GTF3C1: variants seen among roughly 807,000 people sequenced by gnomAD.
GTF3C1 encodes the protein general transcription factor IIIC subunit 1, also known as general transcription factor 3C polypeptide 1.
Under a neutral mutation model 226.7 loss-of-function variants are expected in GTF3C1, and 57 were observed. The observed-to-expected ratio is 0.25, with a 90% CI of 0.20 to 0.31. The LOEUF (loss-of-function observed/expected upper bound fraction) is 0.31. Among genes scored for constraint, GTF3C1 ranks in the 10% least tolerant of loss-of-function variants. The pLI is 1.00. For synonymous variants in GTF3C1, 1,090 were observed against 1,084.8 expected, an observed-to-expected ratio of 1.00 and a Z score of -0.09; for missense variants, 2,217 against 2,776.1, an observed-to-expected ratio of 0.80 and a Z score of 4.53.
chr16:27,495,129 G>C, intron 15 of GTF3C1, 82 bp downstream of exon 15: 2 of 1,093,188 alleles, frequency 1.8e-6, no homozygotes, highest in South Asian at 2.8e-5. Flanking sequence ...TTTATATAAG[G>C]AAAAGGAACT....
At chr16:27,486,296 A>G in intron 23 of GTF3C1, 142 bp from the exon 24 acceptor site, 1 of 535,794 alleles carries the variant, frequency 1.9e-6, no homozygotes, top group Non-Finnish European at 3.3e-6. Context: ...ATCTAAAGTC[A>G]CATAAACTAA....
chr16:27,500,749 GA>G (rs2088393118), intron 12 of GTF3C1, among the ~76,000 whole-genome samples: 1 of 152,340 alleles, frequency 6.6e-6, no homozygotes, highest in East Asian at 1.9e-4. Context: ...AGGCAGAAGA[GA>G]TGTACTGCTC....
chr16:27,544,110 AG>A (rs2089129490), intron 2 of GTF3C1, among the ~76,000 whole-genome samples: 1 of 152,148 alleles, frequency 6.6e-6, no homozygotes, highest in Non-Finnish European at 1.5e-5. Flanking sequence ...AAGGACAGAC[AG>A]GGGGCCGTTG....
Position 27,494,807 on chromosome 16 carries a change from G to T in GTF3C1, c.2734C>A (p.Leu912Ile). Residue 912 changes from leucine to isoleucine, a missense_variant, in exon 16 of 37, where the codon CTT (leucine) becomes ATT (isoleucine). Leu to Ile is a conservative substitution (Grantham distance 5). Around this residue, in one of 12 missense-constraint regions of GTF3C1, gnomAD observed 353 missense variants for 411.7 expected, o/e 0.86. Transcript: ENST00000356183. ...WALVSDILLC[L>I]PLSIFIQIVQ... is the part of the protein sequence containing the mutation. ...ATCTGGATGAAGATGGAGAGGGGAA[G>T]GCAGAGGAGGATGTCGCTGACGAGA... The T allele has an allele frequency of 6.2e-7, 1 of 1,612,504 alleles. No homozygotes were observed. The highest frequency in any genetic ancestry group is 8.5e-7 in the Non-Finnish European group (1 of 1,178,520).
chr16:27,483,706 C>T (rs2088091905), intron 25 of GTF3C1, among the ~76,000 whole-genome samples: 1 of 152,306 alleles, frequency 6.6e-6, no homozygotes. Flanking sequence ...AAGGGGACTC[C>T]CTGAGGTCAC....
rs1882516247 is a variant in GTF3C1, at chr16:27,523,696, C to A, written c.973+4902G>T. Among the ~76,000 whole-genome samples, 5 of 152,230 alleles carry A rather than the reference C, an allele frequency of 3.3e-5. No individual in the cohort carries two copies. In the South Asian group the frequency reaches 1.0e-3, roughly 32 times the overall value. On this transcript the variant is annotated intron_variant, in intron 6 of 36. Coordinates refer to ENST00000356183, the MANE Select transcript of GTF3C1 (RefSeq NM_001520.4). ...TAAAAAGGACATAAAGCATGTAAAGCGTGTGGTCACCACCCTGAAGGAAGT... is the reference window on the plus strand; with the variant it reads ...TAAAAAGGACATAAAGCATGTAAAGAGTGTGGTCACCACCCTGAAGGAAGT...
intron 11 of GTF3C1, 86 bp from the exon 12 acceptor site, chr16:27,501,430 G>A (rs1181800434): frequency 8.3e-6 from 10 of 1,200,346 alleles, no homozygotes; most frequent in South Asian, 5.1e-5. Flanking sequence ...CATGCCTCAC[G>A]GTACCCAATA....
At position 27,488,244 on chromosome 16, in the gene GTF3C1, ATCT is replaced by A. The variant is rs771618438; in HGVS notation, c.3680_3682del (p.Lys1227del). On this transcript the variant is annotated inframe_deletion, in exon 23 of 37. Coordinates refer to ENST00000356183, the MANE Select transcript of GTF3C1 (RefSeq NM_001520.4). ...CACATAACCTTTCTTCTTTCTCTTGATCTTCTTCCCAGGGTCCTTCTTCAGCCG... is the reference window on the plus strand; with the variant it reads ...CACATAACCTTTCTTCTTTCTCTTGATCTTCCCAGGGTCCTTCTTCAGCCG... 3 of 1,613,738 alleles carry A rather than the reference ATCT, an allele frequency of 1.9e-6. No homozygotes were observed. Among genetic ancestry groups the A allele is most frequent in the East Asian group, 4.5e-5 (2 of 44,892 alleles).
Position 27,470,347 on chromosome 16 carries a change from C to A in GTF3C1, c.4575G>T (p.Gln1525His). The stretch of plus-strand genomic sequence containing the variant: ...CGGCAGCCCGCATTCTGTCCAAAAA[C>A]TGGAATGACTCCGTGCAGATGGTGC... ...FPSTICTESF[Q>H]FLDRMRAAGK... Residue 1525 changes from glutamine to histidine, a missense_variant, in exon 31 of 37, where the codon CAG (glutamine) becomes CAT (histidine). Gln to His is a conservative substitution (Grantham distance 24, BLOSUM62 0). Coordinates refer to ENST00000356183, the MANE Select transcript of GTF3C1 (RefSeq NM_001520.4). The surrounding 1 kb of genome is among the most constrained non-coding windows in gnomAD (Gnocchi z 4.9). The A allele has an allele frequency of 6.2e-7, 1 of 1,614,106 alleles. No individual in the cohort carries two copies.
In GTF3C1 at chr16:27,465,253, A is replaced by G. The variant is rs372739572; in HGVS notation, c.5355+7T>C. ...GTGATATCCGGCTAACCTAAAGCAC[A>G]GCTCACCTGGATGCAATCTGCGAAT... On this transcript the variant is annotated splice_region_variant and intron_variant, in intron 33 of 36. Coordinates refer to ENST00000356183, the MANE Select transcript of GTF3C1 (RefSeq NM_001520.4). 1 of 1,613,526 alleles carries G rather than the reference A, an allele frequency of 6.2e-7. No homozygotes were observed. Among genetic ancestry groups the G allele is most frequent in the African/African-American group, 1.3e-5 (1 of 74,918 alleles).
At chr16:27,487,159 T>C (rs1034793198) in intron 23 of GTF3C1, among the ~76,000 whole-genome samples, 2 of 152,218 alleles carry the variant, frequency 1.3e-5, no homozygotes, top group Non-Finnish European at 2.9e-5. Flanking sequence ...ACATTTTGCA[T>C]TGTGATGAAT....
chr16:27,533,215 C>A, intron 5 of GTF3C1, 76 bp downstream of exon 5: 1 of 719,076 alleles, frequency 1.4e-6, no homozygotes, highest in African/African-American at 1.8e-5. Context: ...GCAATTCATT[C>A]CTCTATGCCT....
chr16:27,515,888 A>C (rs978127753), intron 6 of GTF3C1, among the ~76,000 whole-genome samples: 5 of 152,154 alleles, frequency 3.3e-5, no homozygotes, highest in African/African-American at 1.2e-4. Flanking sequence ...ACATGAATTA[A>C]CCCATAAAAT....
At chr16:27,495,629 A>T in intron 14 of GTF3C1, 137 bp from the exon 15 acceptor site, 1 of 759,686 alleles carries the variant, frequency 1.3e-6, no homozygotes, top group East Asian at 2.7e-5. Flanking sequence ...CTTAGAGCTT[A>T]CTTTCTAATG....
chr16:27,465,204 C>T, intron 33 of GTF3C1, 56 bp downstream of exon 33: 2 of 1,534,564 alleles, frequency 1.3e-6, no homozygotes, highest in African/African-American at 1.4e-5. Flanking sequence ...TGCACCTGGC[C>T]TGGGAGCTGC....
Position 27,470,043 on chromosome 16 carries a change from C to A in GTF3C1, c.4814+65G>T. On this transcript the variant is annotated intron_variant, in intron 31 of 36. Coordinates refer to ENST00000356183, the MANE Select transcript of GTF3C1 (RefSeq NM_001520.4). The surrounding 1 kb of genome is among the most constrained non-coding windows in gnomAD (Gnocchi z 4.9). ...CCCAGAAGGCACTGCTGACCCCTGC[C>A]CGTCTGTATCTGGCCAATGCCTAGC... 2.3e-6 allele frequency: 3 copies of A among 1,331,616 alleles called. No individual in the cohort carries two copies. The highest frequency in any genetic ancestry group is 3.2e-6 in the Non-Finnish European group (3 of 951,762). 82.5% of individuals were successfully genotyped at this position (1,331,616 alleles called of 1,614,324 possible). A position where few individuals can be genotyped will look rare whatever the true frequency, so the allele number is the denominator to read the frequency against.
At chr16:27,545,646 C>A (rs556971893) in intron 1 of GTF3C1, 123 bp from the exon 2 acceptor site, 17 of 653,926 alleles carry the variant, frequency 2.6e-5, no homozygotes, top group Admixed American at 1.7e-4. Context: ...AGTTTTCCTG[C>A]CTTATAAATG....
intron 25 of GTF3C1, 26 bp from the exon 26 acceptor site, chr16:27,483,151 A>C: frequency 6.2e-7 from 1 of 1,607,920 alleles, no homozygotes; most frequent in Non-Finnish European, 8.5e-7. Context: ...ACAAAGCTGA[A>C]GTCTGGGAAT....
intron 4 of GTF3C1, among the ~76,000 whole-genome samples, chr16:27,536,895 G>A (rs1419889710): frequency 6.6e-6 from 1 of 152,172 alleles, no homozygotes; most frequent in Non-Finnish European, 1.5e-5. Flanking sequence ...TCTGCAGAGT[G>A]GTGAAACTTT....
Sources: allele counts gnomAD v4.1 joint callset (sites outside exome capture counted in the v4.1 genomes callset), GRCh38; gene constraint gnomAD v4.1.1; regional missense constraint gnomAD v4.1.1; non-coding constraint Gnocchi (gnomAD v3.1); transcripts MANE v1.5; gene names NCBI Gene and HGNC (gene_info 2026-07-23, HGNC 2026-07-21).